The following KCNT2 variants were observed in gnomAD, a reference collection of about 807,000 sequenced individuals.
The protein encoded by KCNT2 is potassium channel subfamily T member 2.
In KCNT2, 67 loss-of-function variants were observed where a neutral mutation model predicts 153.8. The observed-to-expected ratio is 0.44, with a 90% confidence interval of 0.36 to 0.53. The LOEUF is 0.53. KCNT2 is among the 20% of genes least tolerant of loss of function. The pLI is 0.00. For synonymous variants in KCNT2, 500 were observed against 458.8 expected, an observed-to-expected ratio of 1.09 and a Z score of -1.15; for missense variants, 975 against 1,354.8, an observed-to-expected ratio of 0.72 and a Z score of 4.40.
rs539579378 is a variant in KCNT2 at position 196,316,126 on chromosome 1, C to T, written c.2349-100G>A. 5.7e-6 allele frequency: 6 copies of T among 1,055,176 alleles called. No homozygotes were observed. The South Asian group carries it at 7.4e-5, about 13-fold the overall frequency. The allele number at this position is 1,055,176 out of a possible 1,614,324, so 65.4% of individuals were successfully genotyped here. A position where few individuals can be genotyped will look rare whatever the true frequency, so the allele number is the denominator to read the frequency against. ...CTATCCCCTGTGCTTATATAAGTTG[C>T]CTTTAGAGGTGGCTTTTACAGAGTG... On this transcript the variant is annotated intron_variant, in intron 20 of 27. Coordinates refer to ENST00000294725, the MANE Select transcript of KCNT2 (RefSeq NM_198503.5).
At chr1:196,339,414 T>A (rs1373382765) in intron 16 of KCNT2, among the ~76,000 whole-genome samples, 3 of 151,832 alleles carry the variant, frequency 2.0e-5, no homozygotes, top group Non-Finnish European at 4.4e-5. Context: ...AGCCTGCCAC[T>A]AAACACAACA....
chr1:196,583,815 A>G (rs1036060980), intron 1 of KCNT2, among the ~76,000 whole-genome samples: 2 of 152,154 alleles, frequency 1.3e-5, no homozygotes, highest in African/African-American at 4.8e-5. Flanking sequence ...TGCACAAGAT[A>G]GAAGAGTAAA....
intron 19 of KCNT2, among the ~76,000 whole-genome samples, chr1:196,325,533 A>C (rs1462930376): frequency 6.6e-6 from 1 of 152,112 alleles, no homozygotes. Context: ...ATTATATTTG[A>C]AAGAAGTGAT....
At chr1:196,317,438 A>T (rs986671437) in intron 20 of KCNT2, among the ~76,000 whole-genome samples, 1 of 151,716 alleles carries the variant, frequency 6.6e-6, no homozygotes, top group African/African-American at 2.4e-5. Context: ...AAAGTACATT[A>T]AAAAAGAAAG....
At chr1:196,371,002 A>C (rs1668480856) in intron 14 of KCNT2, among the ~76,000 whole-genome samples, 1 of 152,034 alleles carries the variant, frequency 6.6e-6, no homozygotes, top group Non-Finnish European at 1.5e-5. Flanking sequence ...CAAGTAACCA[A>C]CATGCACATA....
chr1:196,602,635 TAAAAG>T (rs1389523290), intron 1 of KCNT2, among the ~76,000 whole-genome samples: 10 of 152,160 alleles, frequency 6.6e-5, no homozygotes, highest in South Asian at 2.1e-4. Flanking sequence ...AAGAATTGGT[TAAAAG>T]AAAAGAACCT....
chr1:196,605,194 A>G (rs1665180368), intron 1 of KCNT2, among the ~76,000 whole-genome samples: 1 of 152,214 alleles, frequency 6.6e-6, no homozygotes, highest in Admixed American at 6.5e-5. Context: ...CTACATCCAG[A>G]AAACAGCTAT....
chr1:196,331,167 T>G lies in KCNT2; in HGVS notation c.2092A>C (p.Arg698=). The G allele has an allele frequency of 6.3e-7, 1 of 1,588,748 alleles. No individual in the cohort carries two copies. The highest frequency in any genetic ancestry group is 1.1e-5 in the South Asian group (1 of 90,556). The change falls in exon 18 of 28, where the codon AGA becomes CGA. Residue 698 remains arginine, a synonymous_variant. Coordinates refer to ENST00000294725, the MANE Select transcript of KCNT2 (RefSeq NM_198503.5). Reference sequence around the variant, plus strand: ...CAACAAGTACTTACCTTGTCTAATCTTAAGCAGCAAAATGGTACTTTTTCA... The same window carrying G: ...CAACAAGTACTTACCTTGTCTAATCGTAAGCAGCAAAATGGTACTTTTTCA... ...LHEKVPFCCL[R]LDKSCQHNYY...
chr1:196,298,080 T>C (rs1263525042), intron 22 of KCNT2, among the ~76,000 whole-genome samples: 1 of 152,210 alleles, frequency 6.6e-6, no homozygotes, highest in Non-Finnish European at 1.5e-5. Flanking sequence ...CTCCAATCAC[T>C]GGTAGAAATT....
chr1:196,566,888 A>T (rs1333187499), intron 1 of KCNT2, among the ~76,000 whole-genome samples: 1 of 152,110 alleles, frequency 6.6e-6, no homozygotes, highest in Non-Finnish European at 1.5e-5. Flanking sequence ...ATTGTTTTTT[A>T]AGCCAAGATA....
intron 13 of KCNT2, among the ~76,000 whole-genome samples, chr1:196,384,016 G>A (rs1018343925): frequency 6.6e-6 from 1 of 152,134 alleles, no homozygotes; most frequent in Non-Finnish European, 1.5e-5. Context: ...TGTGCTGAAA[G>A]TAGACCTTTA....
At chr1:196,574,526 C>T (rs1449197413) in intron 1 of KCNT2, among the ~76,000 whole-genome samples, 1 of 151,804 alleles carries the variant, frequency 6.6e-6, no homozygotes, top group African/African-American at 2.4e-5. Flanking sequence ...TTACTTTTTA[C>T]ACTTTACAAC....
At chr1:196,536,517 G>A (rs1655595968) in intron 1 of KCNT2, among the ~76,000 whole-genome samples, 1 of 152,246 alleles carries the variant, frequency 6.6e-6, no homozygotes, top group South Asian at 2.1e-4. Flanking sequence ...AGCTCAGCTA[G>A]ACCCATGTCT....
At chr1:196,352,449 A>G (rs1357103955) in intron 14 of KCNT2, among the ~76,000 whole-genome samples, 2 of 151,864 alleles carry the variant, frequency 1.3e-5, no homozygotes, top group African/African-American at 2.4e-5. Flanking sequence ...TGTATGTGTC[A>G]AGGAATTTAT....
At chr1:196,356,587 T>C (rs1321322213) in intron 14 of KCNT2, among the ~76,000 whole-genome samples, 1 of 151,882 alleles carries the variant, frequency 6.6e-6, no homozygotes, top group Non-Finnish European at 1.5e-5. Context: ...TAATAATATG[T>C]TACCACATTT....
chr1:196,461,032 GA>G (rs1390767200), intron 8 of KCNT2, among the ~76,000 whole-genome samples: 1 of 150,660 alleles, frequency 6.6e-6, no homozygotes, highest in South Asian at 2.1e-4. Context: ...AAACTAATGT[GA>G]AAAAAAACAA....
At chr1:196,372,487 C>T (rs910466871) in intron 14 of KCNT2, among the ~76,000 whole-genome samples, 4 of 151,792 alleles carry the variant, frequency 2.6e-5, no homozygotes, top group Admixed American at 2.6e-4. Flanking sequence ...AGAGCAATGA[C>T]TATGTTCACT....
chr1:196,470,682 C>T (rs922723696), intron 5 of KCNT2, among the ~76,000 whole-genome samples: 6 of 152,144 alleles, frequency 3.9e-5, no homozygotes, highest in African/African-American at 1.4e-4. Flanking sequence ...AACTTCAACC[C>T]AGAAACTGAC....
chr1:196,510,943 A>C (rs1274388614), intron 1 of KCNT2, among the ~76,000 whole-genome samples: 1 of 152,226 alleles, frequency 6.6e-6, no homozygotes, highest in African/African-American at 2.4e-5. Flanking sequence ...AGCTATGGTT[A>C]AACTGGCAAA....
Sources: gnomAD v4.1 joint callset for allele counts (sites outside exome capture counted in the v4.1 genomes callset) on GRCh38, gnomAD v4.1.1 for gene constraint, MANE v1.5 for transcripts, NCBI Gene and HGNC (gene_info 2026-07-23, HGNC 2026-07-21) for gene names.